The following RASGEF1A variants were observed in gnomAD, a reference collection of about 807,000 sequenced individuals.
The protein encoded by RASGEF1A is ras-GEF domain-containing family member 1A.
A neutral mutation model predicts 56.4 loss-of-function variants in RASGEF1A; 18 were observed. The observed-to-expected ratio is 0.32, with a 90% CI of 0.22 to 0.47. RASGEF1A has a LOEUF of 0.47. Among genes scored for constraint, RASGEF1A ranks in the 20% least tolerant of loss-of-function variants. RASGEF1A has a pLI of 1.00. For missense variants in RASGEF1A, 422 were observed against 627.1 expected, an observed-to-expected ratio of 0.67 and a Z score of 3.49; for synonymous variants, 245 against 242.6, an observed-to-expected ratio of 1.01 and a Z score of -0.09.
At chr10:43,207,857 CTG>C (rs1034022095) in intron 1 of RASGEF1A, 6 of 511,672 alleles carry the variant, frequency 1.2e-5, no homozygotes, top group African/African-American at 2.1e-5. Context: ...GATGGTGAAA[CTG>C]AGGCCCAGTG....
chr10:43,243,144 C>T (rs901558562), intron 1 of RASGEF1A, among the ~76,000 whole-genome samples: 4 of 151,734 alleles, frequency 2.6e-5, no homozygotes, highest in Admixed American at 2.6e-4. Flanking sequence ...GGCCTGGCCG[C>T]CCCGTCTGGG....
intron 1 of RASGEF1A, among the ~76,000 whole-genome samples, chr10:43,241,596 C>G (rs559973982): frequency 1.3e-5 from 2 of 151,846 alleles, no homozygotes; most frequent in East Asian, 3.9e-4. Flanking sequence ...AAATGGTACA[C>G]TAGATAATAT....
At chr10:43,263,455 G>A (rs1357919628) in intron 1 of RASGEF1A, among the ~76,000 whole-genome samples, 2 of 152,184 alleles carry the variant, frequency 1.3e-5, no homozygotes, top group African/African-American at 4.8e-5. Context: ...TTTAAAAAAG[G>A]AAAAGCACCT....
Position 43,248,520 on chromosome 10 carries a change from G to A in RASGEF1A, c.-7+18325C>T, listed in dbSNP as rs181754294. Among the ~76,000 whole-genome samples, 6 of 152,268 alleles carry A rather than the reference G, an allele frequency of 3.9e-5. No homozygotes were observed. The East Asian group carries it at 1.2e-3, about 29-fold the overall frequency. On this transcript the variant is annotated intron_variant, in intron 1 of 12. Coordinates refer to ENST00000395810, the MANE Select transcript of RASGEF1A (RefSeq NM_145313.4). ...ATTTCTTAGAAGAAAAGATGACGAT[G>A]ACCAACATCCCACTACCAGGACAGC...
chr10:43,238,213 G>T (rs959274107), intron 1 of RASGEF1A, among the ~76,000 whole-genome samples: 2 of 151,986 alleles, frequency 1.3e-5, no homozygotes, highest in African/African-American at 4.8e-5. Flanking sequence ...CTTCAGGGGA[G>T]TTAGCCGTGG....
rs965014807 is a variant in RASGEF1A at position 43,266,943 on chromosome 10, C to A, written c.-105G>T. ...CCGGCGGCGGCTCATGCTCGGCGCC[C>A]GGGCCCGCGGCACCCGCCCACCCGC... is the stretch of plus-strand genomic sequence containing the variant. On this transcript the variant is annotated 5_prime_UTR_variant, in exon 1 of 13. Transcript: ENST00000395810. 1 of 146,046 alleles carries A rather than the reference C, an allele frequency of 6.8e-6. No individual in the cohort carries two copies. The highest frequency in any genetic ancestry group is 2.1e-4 in the South Asian group (1 of 4,814). 9.0% of individuals were successfully genotyped at this position (146,046 alleles called of 1,614,324 possible). A position where few individuals can be genotyped will look rare whatever the true frequency, so the allele number is the denominator to read the frequency against.
At chr10:43,201,036 G>T (rs982853921) in intron 4 of RASGEF1A, 148 bp from the exon 5 acceptor site, 4 of 678,630 alleles carry the variant, frequency 5.9e-6, no homozygotes, top group African/African-American at 3.6e-5. Context: ...AGGCCTTCAA[G>T]GACAAAGTGG....
intron 1 of RASGEF1A, among the ~76,000 whole-genome samples, chr10:43,236,505 G>A (rs1432952751): frequency 6.6e-6 from 1 of 152,238 alleles, no homozygotes; most frequent in Non-Finnish European, 1.5e-5. Context: ...CTATAAAACA[G>A]ACAAGCATCC....
intron 3 of RASGEF1A, 68 bp downstream of exon 3, chr10:43,203,230 A>G: frequency 1.7e-6 from 2 of 1,191,950 alleles, no homozygotes; most frequent in Non-Finnish European, 2.2e-6. Context: ...CCATGCCTCC[A>G]GCCCCTAGCC....
chr10:43,203,701 C>A lies in RASGEF1A; in HGVS notation c.199-281G>T. ...CGCTGGGATTCTCCCCCTCTCTGCC[C>A]CACGCCACCATAGGGCTAACCCCAG... On this transcript the variant is annotated intron_variant, in intron 2 of 12. Transcript: ENST00000395810. 18 of 1,181,394 alleles carry A rather than the reference C, an allele frequency of 1.5e-5. No homozygotes were observed. In the Admixed American group the frequency reaches 1.8e-4, roughly 12 times the overall value. The allele number at this position is 1,181,394 out of a possible 1,614,324, so 73.2% of individuals were successfully genotyped here.
intron 1 of RASGEF1A, among the ~76,000 whole-genome samples, chr10:43,256,714 C>T (rs570891851): frequency 4.8e-4 from 73 of 152,284 alleles, no homozygotes; most frequent in Non-Finnish European, 8.1e-4. Flanking sequence ...CAGCGCACAC[C>T]ACAGCCACAG....
rs1389062927 is a variant in RASGEF1A at position 43,196,333 on chromosome 10, C to T, written c.1422-65G>A. The T allele has an allele frequency of 1.3e-6, 2 of 1,594,192 alleles. No homozygotes were observed. The highest frequency in any genetic ancestry group is 1.3e-5 in the African/African-American group (1 of 74,490). On this transcript the variant is annotated intron_variant, in intron 12 of 12. Coordinates refer to ENST00000395810, the MANE Select transcript of RASGEF1A (RefSeq NM_145313.4). This position sits in a 1 kb window ranked among gnomAD's most constrained non-coding sequence, Gnocchi z 4.6. The stretch of plus-strand genomic sequence containing the variant: ...GGGCGGCTTGGGTCCAAGCCATCCT[C>T]AGCCTCCCACCAAACATGCACCAGG...
At chr10:43,228,712 C>T (rs1034584705) in intron 1 of RASGEF1A, among the ~76,000 whole-genome samples, 3 of 152,240 alleles carry the variant, frequency 2.0e-5, no homozygotes, top group African/African-American at 7.2e-5. Flanking sequence ...TCTTCTCTAG[C>T]CCTCAGCACC....
At chr10:43,230,726 T>C (rs976390868) in intron 1 of RASGEF1A, among the ~76,000 whole-genome samples, 1 of 152,190 alleles carries the variant, frequency 6.6e-6, no homozygotes, top group Non-Finnish European at 1.5e-5. Flanking sequence ...CGCCCCAGGA[T>C]GCCCATACCC....
At chr10:43,245,139 T>C (rs1239307236) in intron 1 of RASGEF1A, among the ~76,000 whole-genome samples, 1 of 151,900 alleles carries the variant, frequency 6.6e-6, no homozygotes, top group Non-Finnish European at 1.5e-5. Flanking sequence ...TTTACAGAAA[T>C]AAAAAGCACT....
At chr10:43,210,536 T>A (rs1840051879) in intron 1 of RASGEF1A, among the ~76,000 whole-genome samples, 1 of 152,128 alleles carries the variant, frequency 6.6e-6, no homozygotes. Context: ...CAGCACCATG[T>A]GGGGATTTTT....
chr10:43,209,385 G>A (rs1479850419), intron 1 of RASGEF1A, among the ~76,000 whole-genome samples: 2 of 152,188 alleles, frequency 1.3e-5, no homozygotes, highest in Admixed American at 6.5e-5. Flanking sequence ...GGGGTAGGCA[G>A]GGAGCCCAAG....
intron 2 of RASGEF1A, among the ~76,000 whole-genome samples, chr10:43,205,378 A>T (rs1401802552): frequency 3.3e-5 from 5 of 152,096 alleles, no homozygotes; most frequent in Non-Finnish European, 7.4e-5. Flanking sequence ...GTGAAAAGGG[A>T]GGATTAGGGT....
At chr10:43,231,946 G>T (rs1245140557) in intron 1 of RASGEF1A, among the ~76,000 whole-genome samples, 1 of 152,254 alleles carries the variant, frequency 6.6e-6, no homozygotes, top group Non-Finnish European at 1.5e-5. Context: ...AGACACACAG[G>T]AAGAGGCACT....
Sources: allele counts gnomAD v4.1 joint callset (sites outside exome capture counted in the v4.1 genomes callset), GRCh38; gene constraint gnomAD v4.1.1; non-coding constraint Gnocchi (gnomAD v3.1); transcripts MANE v1.5; gene names NCBI Gene and HGNC (gene_info 2026-07-23, HGNC 2026-07-21).